ENKUR: variants seen among roughly 807,000 people sequenced by gnomAD.
ENKUR encodes the protein enkurin, TRPC channel interacting protein, also known as enkurin.
A neutral mutation model predicts 27.6 loss-of-function variants in ENKUR; 19 were observed. The observed-to-expected ratio is 0.69, with a 90% confidence interval of 0.48 to 1.01. ENKUR has a LOEUF of 1.01. ENKUR is among the 50% of genes least tolerant of loss of function. ENKUR has a pLI of 0.00. For missense variants in ENKUR, 312 were observed against 310.5 expected, an observed-to-expected ratio of 1.00 and a Z score of -0.04; for synonymous variants, 117 against 96.9, an observed-to-expected ratio of 1.21 and a Z score of -1.22.
At chr10:25,015,272 C>T (rs1160577888) in intron 1 of ENKUR, among the ~76,000 whole-genome samples, 1 of 152,184 alleles carries the variant, frequency 6.6e-6, no homozygotes, top group East Asian at 1.9e-4. Flanking sequence ...GGTTCATTAT[C>T]TATCCACCAA....
chr10:25,004,088 C>T lies in ENKUR; in HGVS notation c.78-4542G>A, dbSNP rs558006156. ...ATTTTTACATGTACACATCCATGTCCCTGCAAAGAATACGATCTCATTCTT... is the reference window on the plus strand; with the variant it reads ...ATTTTTACATGTACACATCCATGTCTCTGCAAAGAATACGATCTCATTCTT... On this transcript the variant is annotated intron_variant, in intron 1 of 5. Coordinates refer to ENST00000331161, the MANE Select transcript of ENKUR (RefSeq NM_145010.4). 2.6e-4 allele frequency among the ~76,000 whole-genome samples: 39 copies of T among 152,234 alleles called. No individual in the cohort carries two copies. The South Asian group carries it at 7.7e-3, about 30-fold the overall frequency.
chr10:25,044,879 G>T (rs1408840962), intron 2 of ENKUR, among the ~76,000 whole-genome samples: 1 of 152,136 alleles, frequency 6.6e-6, no homozygotes, highest in Non-Finnish European at 1.5e-5. Flanking sequence ...CAGACTTTTG[G>T]GGCTTATCCC....
Position 25,046,336 on chromosome 10 carries a change from C to A in ENKUR, c.37+14776G>T, listed in dbSNP as rs180897494. The stretch of plus-strand genomic sequence containing the variant: ...AGTTCACAACCAGTAGTACCTTCAG[C>A]CTTTTGATGAACGCATTATGTCAAT... On this transcript the variant is annotated intron_variant, in intron 2 of 5. Transcript: ENST00000615958. Among the ~76,000 whole-genome samples the A allele has an allele frequency of 7.8e-4, 119 of 152,280 alleles. 1 individual carries two copies. Among genetic ancestry groups the A allele is most frequent in the African/African-American group, 2.6e-3 (110 of 41,556 alleles).
At chr10:25,024,856 A>G (rs1475126824) in intron 2 of ENKUR, 1 of 1,613,996 alleles carries the variant, frequency 6.2e-7, no homozygotes, top group East Asian at 2.2e-5. Context: ...TGATTTTATA[A>G]AAACAGGACA....
At chr10:25,060,844 A>G (rs1343400455) in intron 2 of ENKUR, among the ~76,000 whole-genome samples, 1 of 152,056 alleles carries the variant, frequency 6.6e-6, no homozygotes, top group African/African-American at 2.4e-5. Flanking sequence ...AGTAGCTAGG[A>G]CTACAGGTGT....
At chr10:25,052,970 T>C (rs1236165612) in intron 2 of ENKUR, among the ~76,000 whole-genome samples, 2 of 151,776 alleles carry the variant, frequency 1.3e-5, no homozygotes, top group East Asian at 1.9e-4. Flanking sequence ...GGTTTCACCA[T>C]GTTGGTTGGG....
intron 1 of ENKUR, among the ~76,000 whole-genome samples, chr10:25,001,574 A>G (rs187415832): frequency 2.0e-3 from 301 of 151,564 alleles, no homozygotes; most frequent in Non-Finnish European, 1.4e-3. Context: ...TTTTCTCTGT[A>G]TTTCATTTTG....
Position 24,984,248 on chromosome 10 carries a change from C to T in ENKUR, c.*122G>A. On this transcript the variant is annotated 3_prime_UTR_variant, in exon 6 of 6. Transcript: ENST00000331161. ...AAATGTCATGGGCCACAGGAAAATA[C>T]ATCTTTTGCATTTGTGGAGCTCAGA... is the stretch of plus-strand genomic sequence containing the variant. 2.7e-6 allele frequency: 3 copies of T among 1,113,488 alleles called. No homozygotes were observed. The highest frequency in any genetic ancestry group is 2.4e-5 in the East Asian group (1 of 41,304). 69.0% of individuals were successfully genotyped at this position (1,113,488 alleles called of 1,614,324 possible). A position where few individuals can be genotyped will look rare whatever the true frequency, so the allele number is the denominator to read the frequency against.
At chr10:25,034,148 G>A (rs535236278) in intron 2 of ENKUR, among the ~76,000 whole-genome samples, 3 of 151,772 alleles carry the variant, frequency 2.0e-5, no homozygotes, top group Non-Finnish European at 2.9e-5. Flanking sequence ...ACAGTAAAAC[G>A]TATTATTTAT....
At chr10:25,023,452 C>G (rs1850766035) in intron 2 of ENKUR, 2 of 1,614,044 alleles carry the variant, frequency 1.2e-6, no homozygotes, top group Non-Finnish European at 8.5e-7. Context: ...AATAATAGGT[C>G]AGAAACTAGG....
At chr10:25,004,260 T>C (rs898518167) in intron 1 of ENKUR, among the ~76,000 whole-genome samples, 1 of 152,204 alleles carries the variant, frequency 6.6e-6, no homozygotes, top group Non-Finnish European at 1.5e-5. Flanking sequence ...GTCTTTATAA[T>C]AGAACAATTT....
intron 2 of ENKUR, among the ~76,000 whole-genome samples, chr10:25,054,787 C>T (rs1447259220): frequency 6.6e-6 from 1 of 151,570 alleles, no homozygotes; most frequent in Non-Finnish European, 1.5e-5. Context: ...GACTCAGGTC[C>T]CACCTCAGCC....
At chr10:25,033,825 G>GTCTA (rs140639853) in intron 2 of ENKUR, among the ~76,000 whole-genome samples, 36,669 of 148,528 alleles carry the variant, frequency 0.25, 4,655 homozygotes, top group African/African-American at 0.31. Context: ...GTGTGTGTGT[G>GTCTA]TCTATCTATC....
chr10:24,987,537 C>A (rs925325750), intron 4 of ENKUR, among the ~76,000 whole-genome samples: 1 of 152,060 alleles, frequency 6.6e-6, no homozygotes, highest in African/African-American at 2.4e-5. Flanking sequence ...AGCAGTGAGC[C>A]GTGATTGTGC....
Position 24,984,404 on chromosome 10 carries a change from G to T in ENKUR, c.765-28C>A, listed in dbSNP as rs374658865. The T allele has an allele frequency of 9.1e-6, 14 of 1,534,580 alleles. No individual in the cohort carries two copies. The African/African-American group carries it at 1.8e-4, about 20-fold the overall frequency. ...GCAGAAAAAAAAAAAAAAAAGTGAAGTTCTGAGTGCTGACTTTATTTTTCA... is the reference window on the plus strand; with the variant it reads ...GCAGAAAAAAAAAAAAAAAAGTGAATTTCTGAGTGCTGACTTTATTTTTCA... On this transcript the variant is annotated intron_variant, in intron 5 of 5. Coordinates refer to ENST00000331161, the MANE Select transcript of ENKUR (RefSeq NM_145010.4).
upstream of ENKUR, among the ~76,000 whole-genome samples, chr10:25,016,323 C>T (rs1588668316): frequency 6.6e-6 from 1 of 152,188 alleles, no homozygotes; most frequent in East Asian, 1.9e-4. Flanking sequence ...AAAATGATGT[C>T]CCCTTAAAAA....
At chr10:25,025,004 TAGAA>T in intron 2 of ENKUR, 7 of 1,614,212 alleles carry the variant, frequency 4.3e-6, no homozygotes, top group Non-Finnish European at 5.9e-6. Context: ...TTTAATCGAT[TAGAA>T]AGTCAGCATC....
At chr10:24,988,745 A>T in intron 4 of ENKUR, among the ~76,000 whole-genome samples, 1 of 143,420 alleles carries the variant, frequency 7.0e-6, no homozygotes, top group African/African-American at 2.6e-5. Context: ...TTTAAAAATG[A>T]GAAGTTTGGA....
chr10:24,999,317 G>C, intron 2 of ENKUR, 84 bp downstream of exon 2: 1 of 1,354,226 alleles, frequency 7.4e-7, no homozygotes, highest in Admixed American at 2.3e-5. Context: ...ACCTGTGCAT[G>C]TTTAATATTC....
Sources: gnomAD v4.1 joint callset for allele counts (sites outside exome capture counted in the v4.1 genomes callset) on GRCh38, gnomAD v4.1.1 for gene constraint, MANE v1.5 for transcripts, NCBI Gene and HGNC (gene_info 2026-07-23, HGNC 2026-07-21) for gene names.